The following GRIN2B variants were observed in gnomAD, a reference collection of about 807,000 sequenced individuals.
GRIN2B encodes glutamate receptor ionotropic, NMDA 2B.
In GRIN2B, 5 loss-of-function variants were observed where a neutral mutation model predicts 114.5. The observed-to-expected ratio is 0.04, with a 90% CI of 0.02 to 0.09. The LOEUF (loss-of-function observed/expected upper bound fraction) is 0.09, where lower values mean the gene tolerates loss of function less well. Ranked by LOEUF, GRIN2B falls within the 10% of genes least tolerant of loss-of-function variation. The probability of loss-of-function intolerance (pLI) is 1.00; values close to 1 mark genes in which losing one functional copy is unlikely to be tolerated. For synonymous variants in GRIN2B, 787 were observed against 745.1 expected (o/e 1.06, Z -0.92); for missense variants, 1,108 against 1,943.5 (o/e 0.57, Z 8.08).
At chr12:13,952,722 T>C (rs556053090) in intron 2 of GRIN2B, among the ~76,000 whole-genome samples, 4 of 152,206 alleles carry the variant, frequency 2.6e-5, no homozygotes, top group Non-Finnish European at 5.9e-5. Context: ...GAGCTGGGCA[T>C]GAAAATAAAA....
intron 2 of GRIN2B, among the ~76,000 whole-genome samples, chr12:13,877,788 C>T (rs534913235): frequency 6.6e-6 from 1 of 152,196 alleles, no homozygotes; most frequent in South Asian, 2.1e-4. Flanking sequence ...TCAGGCCAGG[C>T]GCAGTGGCTC....
intron 2 of GRIN2B, among the ~76,000 whole-genome samples, chr12:13,885,984 A>G (rs1866150297): frequency 6.6e-6 from 1 of 152,078 alleles, no homozygotes; most frequent in African/African-American, 2.4e-5. Context: ...GGAAATCTAC[A>G]TTTTCCACAA....
intron 3 of GRIN2B, among the ~76,000 whole-genome samples, chr12:13,839,434 C>T (rs1464381438): frequency 2.0e-5 from 3 of 152,196 alleles, no homozygotes; most frequent in Non-Finnish European, 4.4e-5. Flanking sequence ...ACCACACATA[C>T]AATCGTCATG....
intron 4 of GRIN2B, among the ~76,000 whole-genome samples, chr12:13,720,054 G>C (rs1336433941): frequency 6.6e-6 from 1 of 152,016 alleles, no homozygotes; most frequent in Non-Finnish European, 1.5e-5. Context: ...CAGTGTGAGG[G>C]GAGCATGATA....
intron 2 of GRIN2B, among the ~76,000 whole-genome samples, chr12:13,950,805 T>C (rs1479281728): frequency 1.3e-5 from 2 of 152,138 alleles, no homozygotes; most frequent in Non-Finnish European, 2.9e-5. Context: ...AAGTTTTAGG[T>C]AAAATATTAC....
At chr12:13,789,674 T>G (rs929861606) in intron 3 of GRIN2B, among the ~76,000 whole-genome samples, 2 of 152,230 alleles carry the variant, frequency 1.3e-5, no homozygotes, top group South Asian at 4.1e-4. Flanking sequence ...TTCAGGGCTA[T>G]GCATCAGAGT....
At chr12:13,880,098 T>A (rs1866047944) in intron 2 of GRIN2B, among the ~76,000 whole-genome samples, 1 of 152,140 alleles carries the variant, frequency 6.6e-6, no homozygotes, top group Non-Finnish European at 1.5e-5. Context: ...AACACAGGAC[T>A]GTCAGGGCCG....
chr12:13,884,105 T>C (rs911009154), intron 2 of GRIN2B, among the ~76,000 whole-genome samples: 18 of 152,172 alleles, frequency 1.2e-4, no homozygotes, highest in Admixed American at 3.3e-4. Context: ...AATCTACTTG[T>C]GGACTCTTTT....
intron 3 of GRIN2B, among the ~76,000 whole-genome samples, chr12:13,773,838 C>T (rs754142512): frequency 3.3e-5 from 5 of 152,172 alleles, no homozygotes; most frequent in Non-Finnish European, 7.4e-5. Context: ...TAGAGGGGAA[C>T]TAGTTTCACA....
intron 10 of GRIN2B, among the ~76,000 whole-genome samples, chr12:13,587,509 C>T (rs529664234): frequency 6.6e-6 from 1 of 152,102 alleles, no homozygotes; most frequent in South Asian, 2.1e-4. Context: ...TGCTTTCCAC[C>T]ATGCCCAGCT....
At chr12:13,689,897 A>C (rs893571484) in intron 4 of GRIN2B, among the ~76,000 whole-genome samples, 3 of 152,058 alleles carry the variant, frequency 2.0e-5, no homozygotes, top group African/African-American at 7.2e-5. Flanking sequence ...GCTCATGCTT[A>C]TGGACTCAGA....
intron 3 of GRIN2B, among the ~76,000 whole-genome samples, chr12:13,777,343 C>T (rs1241691907): frequency 6.6e-6 from 1 of 152,140 alleles, no homozygotes; most frequent in Non-Finnish European, 1.5e-5. Flanking sequence ...ACATCCTGAC[C>T]ACTCAATAGT....
chr12:13,559,963 A>C lies in GRIN2B; in HGVS notation c.*2820T>G, dbSNP rs1015541289. 1.3e-5 allele frequency: 2 copies of C among 152,156 alleles called. No homozygotes were observed. Among genetic ancestry groups the C allele is most frequent in the African/African-American group, 4.8e-5 (2 of 41,424 alleles). The allele number at this position is 152,156 out of a possible 1,614,324, so 9.4% of individuals were successfully genotyped here. A position where few individuals can be genotyped will look rare whatever the true frequency, so the allele number is the denominator to read the frequency against. ...TAATTCTGTTTAAGCCCTTTTGGGA[A>C]TCTTTCCTACCCTAGGTACTGACAG... On this transcript the variant is annotated 3_prime_UTR_variant, in exon 14 of 14. Coordinates refer to ENST00000609686, the MANE Select transcript of GRIN2B (RefSeq NM_000834.5).
chr12:13,675,648 T>C, intron 5 of GRIN2B, 97 bp downstream of exon 5: 1 of 796,428 alleles, frequency 1.3e-6, no homozygotes, highest in Non-Finnish European at 2.3e-6. Context: ...TCCACAGGTC[T>C]AGGGACAAAA....
In GRIN2B at chr12:13,698,630, A is replaced by G. The variant is rs575876270; in HGVS notation, c.1011-22771T>C. 5.3e-4 allele frequency among the ~76,000 whole-genome samples: 80 copies of G among 152,284 alleles called. 1 individual carries two copies. In the Middle Eastern group the frequency reaches 0.01, roughly 19 times the overall value. ...TGTACAGAAAAAATATATTTTAAAA[A>G]CCAAAGAAGATCTACTTTGATCATC... is the stretch of plus-strand genomic sequence containing the variant. On this transcript the variant is annotated intron_variant, in intron 4 of 13. Transcript: ENST00000609686.
intron 4 of GRIN2B, among the ~76,000 whole-genome samples, chr12:13,734,649 T>A (rs965207928): frequency 1.3e-5 from 2 of 152,238 alleles, no homozygotes; most frequent in Admixed American, 1.3e-4. Flanking sequence ...GTGTCTACTG[T>A]GCCATGAATC....
chr12:13,957,762 C>G (rs1212389337), intron 2 of GRIN2B, among the ~76,000 whole-genome samples: 1 of 152,214 alleles, frequency 6.6e-6, no homozygotes, highest in Non-Finnish European at 1.5e-5. Context: ...GATGACGATG[C>G]AGGCTCTGCG....
intron 3 of GRIN2B, among the ~76,000 whole-genome samples, chr12:13,808,970 A>T (rs1453369940): frequency 2.6e-5 from 4 of 152,042 alleles, no homozygotes; most frequent in African/African-American, 9.7e-5. Flanking sequence ...AGAGCAAAGA[A>T]ACGTAACCAG....
chr12:13,669,291 A>G (rs1423974966), intron 5 of GRIN2B, among the ~76,000 whole-genome samples: 8 of 152,132 alleles, frequency 5.3e-5, no homozygotes, highest in Admixed American at 3.9e-4. Flanking sequence ...CACACTTGGT[A>G]CAATTATTCT....
Sources: gnomAD v4.1 joint callset for allele counts (sites outside exome capture counted in the v4.1 genomes callset) on GRCh38, gnomAD v4.1.1 for gene constraint, MANE v1.5 for transcripts, NCBI Gene and HGNC (gene_info 2026-07-23, HGNC 2026-07-21) for gene names.